Variants in CYP39A1 observed in about 807,000 individuals in gnomAD.
CYP39A1 encodes cytochrome P450 family 39 subfamily A member 1, also known as 24-hydroxycholesterol 7-alpha-hydroxylase.
A neutral mutation model predicts 58.1 loss-of-function variants in CYP39A1; 49 were observed. The ratio of observed to expected loss-of-function variants is 0.84; its 90% confidence interval spans 0.67 to 1.07. The LOEUF (loss-of-function observed/expected upper bound fraction) is 1.07, where lower values mean the gene tolerates loss of function less well. Ranked by LOEUF, CYP39A1 falls within the 50% of genes least tolerant of loss-of-function variation. The pLI, the probability that CYP39A1 is intolerant of heterozygous loss-of-function variation, is 0.00. For synonymous variants in CYP39A1, 209 were observed against 187.6 expected (o/e 1.11, Z -0.93); for missense variants, 531 against 539.4 (o/e 0.98, Z 0.16).
At chr6:46,578,942 A>G (rs1771982183) in intron 10 of CYP39A1, among the ~76,000 whole-genome samples, 1 of 151,932 alleles carries the variant, frequency 6.6e-6, no homozygotes, top group Admixed American at 6.6e-5. Context: ...AGGAGGAAGG[A>G]CTCCTCCCTA....
At chr6:46,646,121 C>T (rs543378963) in intron 1 of CYP39A1, among the ~76,000 whole-genome samples, 10 of 151,898 alleles carry the variant, frequency 6.6e-5, no homozygotes, top group Non-Finnish European at 1.3e-4. Flanking sequence ...TCTTTTCTTA[C>T]TTTATTGCAC....
At position 46,550,427 on chromosome 6, in the gene CYP39A1, T is replaced by C. The variant is rs541996571; in HGVS notation, c.1349A>G (p.His450Arg). The change falls in exon 12 of 12, where the codon CAT becomes CGT. Residue 450 changes from histidine (H) to arginine (R), a missense_variant. Coordinates refer to ENST00000275016, the MANE Select transcript of CYP39A1 (RefSeq NM_016593.5). ...LDPLPKQSYL[H>R]LVGVPQPEGQ... is the part of the protein sequence containing the mutation. ...TTCCGGCTGGGGGACACCCACCAAATGGAGATAACTCTAAAAACAGAAATG... is the reference window on the plus strand; with the variant it reads ...TTCCGGCTGGGGGACACCCACCAAACGGAGATAACTCTAAAAACAGAAATG... The C allele has an allele frequency of 3.1e-6, 5 of 1,611,846 alleles. No homozygotes were observed. The African/African-American group carries it at 5.3e-5, about 17-fold the overall frequency.
At chr6:46,557,891 G>A (rs1390863207) in intron 10 of CYP39A1, among the ~76,000 whole-genome samples, 2 of 128,004 alleles carry the variant, frequency 1.6e-5, no homozygotes, top group Non-Finnish European at 3.1e-5. Context: ...AGCTGAGATC[G>A]CACCACTGCA....
At chr6:46,587,465 G>A (rs756232052) in intron 9 of CYP39A1, among the ~76,000 whole-genome samples, 15 of 152,272 alleles carry the variant, frequency 9.9e-5, no homozygotes, top group Middle Eastern at 3.4e-3. Flanking sequence ...CTCAGGCTCC[G>A]TCATAAAATT....
intron 10 of CYP39A1, among the ~76,000 whole-genome samples, chr6:46,578,745 G>A (rs533547917): frequency 4.9e-4 from 74 of 152,036 alleles, no homozygotes; most frequent in Middle Eastern, 3.4e-3. Flanking sequence ...TTACCAGGAA[G>A]AAACTGAAAT....
Position 46,554,008 on chromosome 6 carries a change from C to CTCTTT in CYP39A1, c.1251-159_1251-155dup, listed in dbSNP as rs374690832. Among the ~76,000 whole-genome samples the CTCTTT allele has an allele frequency of 2.6e-3, 390 of 152,246 alleles. 1 individual carries two copies. The highest frequency in any genetic ancestry group is 9.1e-3 in the African/African-American group (377 of 41,548). ...TTTAAAGGACAGAGTAAGAACTTAA[C>CTCTTT]TCTTTCTTAATACCACCTACTCCAT... On this transcript the variant is annotated intron_variant, in intron 10 of 11. Transcript: ENST00000275016.
At chr6:46,569,290 T>C (rs1331261623) in intron 10 of CYP39A1, among the ~76,000 whole-genome samples, 1 of 152,082 alleles carries the variant, frequency 6.6e-6, no homozygotes, top group Non-Finnish European at 1.5e-5. Context: ...GGCAGTGGAT[T>C]GTACATATAA....
intron 7 of CYP39A1, among the ~76,000 whole-genome samples, chr6:46,610,699 A>G (rs1348406149): frequency 1.3e-5 from 2 of 152,060 alleles, no homozygotes; most frequent in East Asian, 3.8e-4. Flanking sequence ...ATAGTTTTAA[A>G]TCATTTAGCT....
intron 10 of CYP39A1, among the ~76,000 whole-genome samples, chr6:46,560,825 G>C (rs896612214): frequency 2.0e-5 from 3 of 152,228 alleles, no homozygotes; most frequent in Non-Finnish European, 4.4e-5. Flanking sequence ...AAATTTGGAA[G>C]TCAGGAAATT....
intron 1 of CYP39A1, among the ~76,000 whole-genome samples, chr6:46,646,849 T>G (rs1042433392): frequency 7.9e-5 from 12 of 152,110 alleles, no homozygotes; most frequent in Non-Finnish European, 1.3e-4. Context: ...TTTGTAGAGT[T>G]ATTCATAGTA....
intron 10 of CYP39A1, among the ~76,000 whole-genome samples, chr6:46,555,307 C>A (rs929919938): frequency 6.6e-6 from 1 of 152,200 alleles, no homozygotes; most frequent in Non-Finnish European, 1.5e-5. Flanking sequence ...GGCTGTAGTG[C>A]CCTTCCTCTC....
intron 1 of CYP39A1, among the ~76,000 whole-genome samples, chr6:46,644,304 C>T (rs1776517934): frequency 6.6e-6 from 1 of 152,168 alleles, no homozygotes; most frequent in African/African-American, 2.4e-5. Context: ...GTGTATCAAT[C>T]ATTCATTCCT....
intron 10 of CYP39A1, among the ~76,000 whole-genome samples, chr6:46,576,985 C>A (rs566223894): frequency 6.6e-6 from 1 of 152,086 alleles, no homozygotes; most frequent in South Asian, 2.1e-4. Flanking sequence ...TCATAAGATT[C>A]TCCAAAGTCA....
intron 10 of CYP39A1, among the ~76,000 whole-genome samples, chr6:46,555,697 C>T (rs1394462871): frequency 6.6e-6 from 1 of 152,156 alleles, no homozygotes. Context: ...ATCTTTAAAT[C>T]ATCAATGTTT....
At chr6:46,628,560 C>T (rs1028976813) in intron 6 of CYP39A1, among the ~76,000 whole-genome samples, 1 of 152,122 alleles carries the variant, frequency 6.6e-6, no homozygotes, top group Non-Finnish European at 1.5e-5. Context: ...TATCTTGGGC[C>T]ACAATGGAGC....
At chr6:46,635,630 C>T (rs1437095465) in intron 5 of CYP39A1, among the ~76,000 whole-genome samples, 2 of 152,176 alleles carry the variant, frequency 1.3e-5, no homozygotes, top group Non-Finnish European at 2.9e-5. Flanking sequence ...GGGTTTGCTG[C>T]AGCTTTCACT....
At chr6:46,605,362 AG>A (rs1773777574) in intron 7 of CYP39A1, among the ~76,000 whole-genome samples, 2 of 152,304 alleles carry the variant, frequency 1.3e-5, no homozygotes, top group African/African-American at 4.8e-5. Flanking sequence ...CTTCAATGAT[AG>A]GTCACTGATA....
intron 7 of CYP39A1, among the ~76,000 whole-genome samples, chr6:46,623,489 A>G (rs1775102883): frequency 6.6e-6 from 1 of 152,180 alleles, no homozygotes; most frequent in Admixed American, 6.6e-5. Flanking sequence ...TCGTGGGCTC[A>G]GTAAAGTAGG....
intron 7 of CYP39A1, among the ~76,000 whole-genome samples, chr6:46,609,430 GA>G (rs79569413): frequency 2.7e-5 from 4 of 148,290 alleles, no homozygotes; most frequent in Non-Finnish European, 3.0e-5. Context: ...AAAAAAAAAA[GA>G]AAAAAAAGAA....
Sources: allele counts gnomAD v4.1 joint callset (sites outside exome capture counted in the v4.1 genomes callset), GRCh38; gene constraint gnomAD v4.1.1; transcripts MANE v1.5; gene names NCBI Gene and HGNC (gene_info 2026-07-23, HGNC 2026-07-21).